The following CDH12 variants were observed in gnomAD, a reference collection of about 807,000 sequenced individuals.
CDH12 encodes the protein cadherin 12, also known as cadherin-12.
In CDH12, 41 loss-of-function variants were observed where a neutral mutation model predicts 74.1. The observed-to-expected ratio is 0.55, with a 90% confidence interval of 0.43 to 0.72. The LOEUF (loss-of-function observed/expected upper bound fraction) is 0.72. Among genes scored for constraint, CDH12 ranks in the 30% least tolerant of loss-of-function variants. The pLI is 0.00. For synonymous variants in CDH12, 399 were observed against 355.0 expected, an observed-to-expected ratio of 1.12 and a Z score of -1.39; for missense variants, 945 against 977.2, an observed-to-expected ratio of 0.97 and a Z score of 0.44.
At chr5:22,104,149 A>G (rs186604925) in intron 4 of CDH12, among the ~76,000 whole-genome samples, 3 of 152,356 alleles carry the variant, frequency 2.0e-5, no homozygotes, top group Admixed American at 2.0e-4. Context: ...AAACCTTGAA[A>G]GTAAATAGAT....
intron 2 of CDH12, among the ~76,000 whole-genome samples, chr5:22,417,891 T>C (rs1342827790): frequency 7.1e-6 from 1 of 140,736 alleles, no homozygotes; most frequent in Non-Finnish European, 1.5e-5. Context: ...GCAGTTTGAA[T>C]AGATCTGTTG....
chr5:22,206,275 C>A (rs1751212206), intron 4 of CDH12, among the ~76,000 whole-genome samples: 1 of 152,140 alleles, frequency 6.6e-6, no homozygotes, highest in Admixed American at 6.5e-5. Flanking sequence ...TTGAGCCACA[C>A]TCTAAAACCT....
At chr5:22,344,321 T>C (rs1325810805) in intron 3 of CDH12, among the ~76,000 whole-genome samples, 2 of 152,212 alleles carry the variant, frequency 1.3e-5, no homozygotes, top group East Asian at 1.9e-4. Flanking sequence ...GAAAAAAAGA[T>C]AGAAAACTGA....
intron 1 of CDH12, among the ~76,000 whole-genome samples, chr5:22,619,197 T>C (rs1436798671): frequency 6.6e-6 from 1 of 152,182 alleles, no homozygotes; most frequent in Non-Finnish European, 1.5e-5. Context: ...GGTCCCTATA[T>C]CTTTCCATAC....
At chr5:21,864,413 G>A (rs909602272) in intron 6 of CDH12, among the ~76,000 whole-genome samples, 1 of 152,068 alleles carries the variant, frequency 6.6e-6, no homozygotes, top group East Asian at 1.9e-4. Context: ...CAAAAAGATG[G>A]AAGAAAAGCT....
At position 22,583,729 on chromosome 5, in the gene CDH12, G is replaced by A. The variant is rs577087279; in HGVS notation, c.-522-78365C>T. Among the ~76,000 whole-genome samples, 88 of 152,220 alleles carry A rather than the reference G, an allele frequency of 5.8e-4. 1 individual carries two copies. Among genetic ancestry groups the A allele is most frequent in the African/African-American group, 2.1e-3 (86 of 41,564 alleles). On this transcript the variant is annotated intron_variant, in intron 1 of 14. Transcript: ENST00000382254. The stretch of plus-strand genomic sequence containing the variant: ...TGGGGGATATTGAATCTGGAAAAGA[G>A]ATTTTTAAGAAAGAACACTCATCCA...
At chr5:21,762,641 G>A (rs904382232) in intron 12 of CDH12, among the ~76,000 whole-genome samples, 3 of 152,052 alleles carry the variant, frequency 2.0e-5, no homozygotes, top group Non-Finnish European at 4.4e-5. Context: ...TTTAGAATAA[G>A]AGCCTCTAAG....
intron 1 of CDH12, among the ~76,000 whole-genome samples, chr5:22,837,487 T>C (rs1736882639): frequency 6.6e-6 from 1 of 152,150 alleles, no homozygotes; most frequent in Non-Finnish European, 1.5e-5. Context: ...TGTTATTAGG[T>C]CCTTCAGACT....
chr5:22,215,548 G>A (rs1751774232), intron 3 of CDH12, among the ~76,000 whole-genome samples: 1 of 151,904 alleles, frequency 6.6e-6, no homozygotes, highest in Admixed American at 6.6e-5. Flanking sequence ...AATCCCTTCT[G>A]CAATTCATTT....
At chr5:22,039,002 G>C (rs1317106149) in intron 5 of CDH12, among the ~76,000 whole-genome samples, 1 of 152,100 alleles carries the variant, frequency 6.6e-6, no homozygotes, top group Non-Finnish European at 1.5e-5. Flanking sequence ...GACGCTTCTT[G>C]TCTCCTCCTG....
chr5:22,308,084 G>A (rs181904310), intron 3 of CDH12, among the ~76,000 whole-genome samples: 77 of 151,890 alleles, frequency 5.1e-4, no homozygotes, highest in Admixed American at 1.5e-3. Flanking sequence ...GTTTCACCAC[G>A]TTAGCCAGGA....
chr5:22,552,435 T>C (rs1272279781), intron 1 of CDH12, among the ~76,000 whole-genome samples: 1 of 146,168 alleles, frequency 6.8e-6, no homozygotes, highest in Non-Finnish European at 1.5e-5. Flanking sequence ...TTTCTTTTCT[T>C]TTTTTTTTTT....
chr5:22,727,406 T>C (rs925123037), intron 1 of CDH12, among the ~76,000 whole-genome samples: 3 of 151,654 alleles, frequency 2.0e-5, no homozygotes, highest in African/African-American at 7.2e-5. Flanking sequence ...ATTTAGTGGG[T>C]TTTTTTGGTA....
intron 1 of CDH12, among the ~76,000 whole-genome samples, chr5:22,766,530 T>G (rs921945963): frequency 6.6e-6 from 1 of 151,996 alleles, no homozygotes; most frequent in Non-Finnish European, 1.5e-5. Context: ...TTCATTGTAT[T>G]TAAAACAGTA....
chr5:21,876,007 T>C (rs1010933842), intron 6 of CDH12, among the ~76,000 whole-genome samples: 3 of 150,650 alleles, frequency 2.0e-5, no homozygotes, highest in Non-Finnish European at 4.4e-5. Context: ...GTGATTCTCC[T>C]GCCTCAGCCT....
chr5:22,571,923 A>G (rs1444396122), intron 1 of CDH12, among the ~76,000 whole-genome samples: 2 of 152,192 alleles, frequency 1.3e-5, no homozygotes, highest in African/African-American at 4.8e-5. Context: ...TAACATATAT[A>G]ATAGTATTTA....
rs140055423 is a variant in CDH12 at position 22,218,342 on chromosome 5, G to A, written c.-332-5699C>T. Among the ~76,000 whole-genome samples, 1,141 of 151,682 alleles carry A rather than the reference G, an allele frequency of 7.5e-3. 12 individuals are homozygous for A. The highest frequency in any genetic ancestry group is 0.026 in the African/African-American group (1,085 of 41,466). ...CTCCAAACTGGGGAAAAAAAAGTCC[G>A]TCAACAGGTGAGTGAATAAACTGTG... On this transcript the variant is annotated intron_variant, in intron 3 of 14. Coordinates refer to ENST00000382254, the MANE Select transcript of CDH12 (RefSeq NM_004061.5).
In CDH12 at chr5:22,159,024, T is replaced by C. The variant is rs570284587; in HGVS notation, c.-187+53474A>G. Among the ~76,000 whole-genome samples the C allele has an allele frequency of 8.5e-5, 13 of 152,272 alleles. No individual in the cohort carries two copies. The East Asian group carries it at 2.5e-3, about 29-fold the overall frequency. The stretch of plus-strand genomic sequence containing the variant: ...GTTAAATTGTTGGCATCGGTTCCCC[T>C]ATGTTTTTGAATATACAGGTTCCTG... On this transcript the variant is annotated intron_variant, in intron 4 of 14. Transcript: ENST00000382254.
intron 3 of CDH12, among the ~76,000 whole-genome samples, chr5:22,336,821 C>G (rs1007063843): frequency 6.6e-6 from 1 of 152,220 alleles, no homozygotes; most frequent in Non-Finnish European, 1.5e-5. Context: ...CACAGAGTCC[C>G]TATTGGGGCA....
Sources: allele counts gnomAD v4.1 joint callset (sites outside exome capture counted in the v4.1 genomes callset), GRCh38; gene constraint gnomAD v4.1.1; transcripts MANE v1.5; gene names NCBI Gene and HGNC (gene_info 2026-07-23, HGNC 2026-07-21).